Variants in IGSF23 observed in about 807,000 individuals in gnomAD.
IGSF23 encodes immunoglobulin superfamily, member 23.
IGSF23 carries 14 observed loss-of-function variants against 17.8 expected under a neutral mutation model. The observed-to-expected ratio is 0.79, with a 90% CI of 0.52 to 1.23. The LOEUF (loss-of-function observed/expected upper bound fraction) is 1.23. Among genes scored for constraint, IGSF23 ranks in the 50% most tolerant of loss-of-function variants. IGSF23 has a pLI of 0.00. For missense variants in IGSF23, 214 were observed against 241.7 expected (o/e 0.89, Z 0.76); for synonymous variants, 85 against 92.5 (o/e 0.92, Z 0.46).
At chr19:44,620,415 G>A (rs1297517757) in intron 1 of IGSF23, among the ~76,000 whole-genome samples, 1 of 150,670 alleles carries the variant, frequency 6.6e-6, no homozygotes, top group Non-Finnish European at 1.5e-5. Context: ...CGCCCAGGCT[G>A]GAGTGAAGTG....
chr19:44,630,859 G>A (rs572897560), intron 3 of IGSF23, among the ~76,000 whole-genome samples: 1 of 152,356 alleles, frequency 6.6e-6, no homozygotes, highest in East Asian at 1.9e-4. Context: ...TAGTTGAGGA[G>A]AGGGACCTGA....
intron 1 of IGSF23, among the ~76,000 whole-genome samples, chr19:44,619,684 A>G (rs1180407349): frequency 6.6e-6 from 1 of 151,924 alleles, no homozygotes; most frequent in African/African-American, 2.4e-5. Flanking sequence ...GTGCCTTCTC[A>G]TTCTGTCCTT....
intron 1 of IGSF23, among the ~76,000 whole-genome samples, chr19:44,619,470 T>C (rs955959354): frequency 6.6e-6 from 1 of 152,160 alleles, no homozygotes; most frequent in African/African-American, 2.4e-5. Flanking sequence ...ATATCTGAAT[T>C]AGGAAAACAA....
intron 3 of IGSF23, among the ~76,000 whole-genome samples, chr19:44,634,491 G>A (rs901842232): frequency 1.3e-5 from 2 of 152,130 alleles, no homozygotes; most frequent in East Asian, 1.9e-4. Context: ...TTCTAACAGG[G>A]AACTGCCAAG....
intron 4 of IGSF23, 96 bp downstream of exon 4, chr19:44,635,561 C>A: frequency 2.4e-6 from 2 of 830,678 alleles, no homozygotes; most frequent in Non-Finnish European, 1.9e-6. Context: ...CCTCCTGGTT[C>A]CCTGGTCATT....
At chr19:44,633,353 C>T (rs913211036) in intron 3 of IGSF23, among the ~76,000 whole-genome samples, 4 of 152,188 alleles carry the variant, frequency 2.6e-5, no homozygotes, top group South Asian at 2.1e-4. Context: ...TTTGTCTTTC[C>T]GCTTGAAGCG....
intron 4 of IGSF23, among the ~76,000 whole-genome samples, chr19:44,636,021 G>A (rs1432833743): frequency 1.3e-5 from 2 of 152,224 alleles, no homozygotes; most frequent in East Asian, 1.9e-4. Flanking sequence ...CTCATAGCTG[G>A]GACAACTGGC....
At position 44,621,993 on chromosome 19, in the gene IGSF23, G is replaced by A. The variant is rs113907491; in HGVS notation, c.126-1714G>A. 9.2e-3 allele frequency among the ~76,000 whole-genome samples: 1,392 copies of A among 151,992 alleles called. 18 individuals carry two copies. Among genetic ancestry groups the A allele is most frequent in the African/African-American group, 0.032 (1,326 of 41,468 alleles). On this transcript the variant is annotated intron_variant, in intron 1 of 4. Transcript: ENST00000402988. ...TCCCAGCACTTTGGGAGGCCGAGGCGGGTGGATCACCTGAGGTCAGGAGTT... is the reference window on the plus strand; with the variant it reads ...TCCCAGCACTTTGGGAGGCCGAGGCAGGTGGATCACCTGAGGTCAGGAGTT...
chr19:44,627,947 CTTTTT>C (rs56014048), intron 3 of IGSF23, among the ~76,000 whole-genome samples: 1 of 139,334 alleles, frequency 7.2e-6, no homozygotes, highest in Non-Finnish European at 1.5e-5. Flanking sequence ...TTTTCTTTTT[CTTTTT>C]TTTTTTTTTT....
At chr19:44,614,161 A>G (rs972252048) in intron 1 of IGSF23, among the ~76,000 whole-genome samples, 2 of 152,052 alleles carry the variant, frequency 1.3e-5, no homozygotes, top group African/African-American at 4.8e-5. Context: ...ACAAGAGATG[A>G]CCCTATTGGC....
chr19:44,627,834 C>T (rs560091880), intron 3 of IGSF23, among the ~76,000 whole-genome samples: 18 of 152,166 alleles, frequency 1.2e-4, no homozygotes, highest in Non-Finnish European at 2.6e-4. Flanking sequence ...TGTGGGCAAG[C>T]CACTCCCCTT....
In IGSF23 at chr19:44,623,882, T is replaced by C. The variant is rs1371962908; in HGVS notation, c.301T>C (p.Leu101=). 1 of 1,550,854 alleles carries C rather than the reference T, an allele frequency of 6.4e-7. No homozygotes were observed. Among genetic ancestry groups the C allele is most frequent in the Admixed American group, 2.0e-5 (1 of 51,004 alleles). Residue 101 remains leucine (L), a synonymous_variant, in exon 2 of 5, where the codon TTG becomes CTG. Transcript: ENST00000402988. ...GMGEKLFIRR[L]SCEQLGTYMC... ...GGGAGAGAAGCTGTTCATCCGACGG[T>C]TGTCCTGTGAGCAGCTGGGCACCTA...
chr19:44,616,644 C>A (rs1260883867), intron 1 of IGSF23, among the ~76,000 whole-genome samples: 1 of 148,160 alleles, frequency 6.7e-6, no homozygotes, highest in Non-Finnish European at 1.5e-5. Flanking sequence ...TTGCAGTGAG[C>A]CGAGATTGCA....
chr19:44,635,184 C>A (rs560626010), intron 3 of IGSF23, among the ~76,000 whole-genome samples: 1 of 152,290 alleles, frequency 6.6e-6, no homozygotes, highest in South Asian at 2.1e-4. Context: ...GGGTCTCTTC[C>A]TCTTCTTGTA....
chr19:44,622,909 C>T (rs546204698), intron 1 of IGSF23, among the ~76,000 whole-genome samples: 1 of 152,170 alleles, frequency 6.6e-6, no homozygotes, highest in South Asian at 2.1e-4. Flanking sequence ...TCAAACATAA[C>T]CTCCCCAAAG....
chr19:44,630,507 T>A (rs545457477), intron 3 of IGSF23, among the ~76,000 whole-genome samples: 12 of 150,846 alleles, frequency 8.0e-5, no homozygotes, highest in Non-Finnish European at 1.8e-4. Flanking sequence ...AGGTGAGGAG[T>A]CAGGCTGGCA....
chr19:44,634,444 G>A (rs1972839919), intron 3 of IGSF23, among the ~76,000 whole-genome samples: 1 of 152,176 alleles, frequency 6.6e-6, no homozygotes. Context: ...AGGCTCAAAT[G>A]TAGCTATAAT....
Position 44,623,848 on chromosome 19 carries a change from C to T in IGSF23, c.267C>T (p.Pro89=). The T allele has an allele frequency of 6.4e-7, 1 of 1,550,876 alleles. No individual in the cohort carries two copies. Among genetic ancestry groups the T allele is most frequent in the East Asian group, 2.4e-5 (1 of 40,920 alleles). Residue 89 remains proline (P), a synonymous_variant, in exon 2 of 5, where the codon CCC becomes CCT. Coordinates refer to ENST00000402988, the MANE Select transcript of IGSF23 (RefSeq NM_001205280.2). Reference sequence around the variant, plus strand: ...TGAGCTGGACCTTCAGTGGGGTGCCCTGTGGGATGGGAGAGAAGCTGTTCA... The same window carrying T: ...TGAGCTGGACCTTCAGTGGGGTGCCTTGTGGGATGGGAGAGAAGCTGTTCA... ...PVLSWTFSGV[P]CGMGEKLFIR...
At position 44,614,652 on chromosome 19, in the gene IGSF23, G is replaced by A. The variant is rs1972328945; in HGVS notation, c.125+882G>A. 2.0e-5 allele frequency among the ~76,000 whole-genome samples: 3 copies of A among 151,900 alleles called. No individual in the cohort carries two copies. The South Asian group carries it at 6.2e-4, about 32-fold the overall frequency. On this transcript the variant is annotated intron_variant, in intron 1 of 4. Coordinates refer to ENST00000402988, the MANE Select transcript of IGSF23 (RefSeq NM_001205280.2). The stretch of plus-strand genomic sequence containing the variant: ...TTACTATGTTGCCCAGGCTAGTCTC[G>A]AACTCCTGGGCTCAAGCGATCCTCC...
Sources: gnomAD v4.1 joint callset for allele counts (sites outside exome capture counted in the v4.1 genomes callset) on GRCh38, gnomAD v4.1.1 for gene constraint, MANE v1.5 for transcripts, NCBI Gene and HGNC (gene_info 2026-07-23, HGNC 2026-07-21) for gene names.